Variants in TRAPPC9 observed in about 807,000 individuals in gnomAD.
TRAPPC9 encodes IKK2 binding protein.
In TRAPPC9, 83 loss-of-function variants were observed where a neutral mutation model predicts 124.0. The ratio of observed to expected loss-of-function variants is 0.67; its 90% confidence interval spans 0.56 to 0.80. The LOEUF (loss-of-function observed/expected upper bound fraction) is 0.80, where lower values mean the gene tolerates loss of function less well. Ranked by LOEUF, TRAPPC9 falls within the 30% of genes least tolerant of loss-of-function variation. The probability of loss-of-function intolerance (pLI) is 0.00; values close to 1 mark genes in which losing one functional copy is unlikely to be tolerated. For synonymous variants in TRAPPC9, 638 were observed against 617.5 expected, an observed-to-expected ratio of 1.03 and a Z score of -0.49; for missense variants, 1,302 against 1,508.3, an observed-to-expected ratio of 0.86 and a Z score of 2.27.
At chr8:139,881,048 C>G (rs906146428) in intron 21 of TRAPPC9, 4 of 152,252 alleles carry the variant, frequency 2.6e-5, no homozygotes, top group Non-Finnish European at 2.9e-5. Flanking sequence ...GCCAACATGC[C>G]TCTGTGCCCA....
intron 9 of TRAPPC9, among the ~76,000 whole-genome samples, chr8:140,324,389 C>T (rs151108832): frequency 2.0e-3 from 299 of 152,262 alleles, no homozygotes; most frequent in African/African-American, 6.9e-3. Context: ...CAGAGCTTTA[C>T]AATACATGAA....
At chr8:139,873,326 T>C (rs1331932554) in intron 21 of TRAPPC9, among the ~76,000 whole-genome samples, 4 of 152,142 alleles carry the variant, frequency 2.6e-5, no homozygotes, top group African/African-American at 9.7e-5. Context: ...GTGATCATAT[T>C]ATTCATCATA....
chr8:139,913,247 C>A (rs1003217060), intron 19 of TRAPPC9, among the ~76,000 whole-genome samples: 2 of 152,212 alleles, frequency 1.3e-5, no homozygotes, highest in African/African-American at 4.8e-5. Context: ...GGGAAGAAAA[C>A]AAAATGTAAG....
At chr8:140,382,571 G>T (rs2068640114) in intron 7 of TRAPPC9, among the ~76,000 whole-genome samples, 1 of 152,228 alleles carries the variant, frequency 6.6e-6, no homozygotes, top group Non-Finnish European at 1.5e-5. Context: ...TGCTAGCACA[G>T]CAGTCTGAGA....
At chr8:140,191,570 G>A (rs1184085060) in intron 17 of TRAPPC9, among the ~76,000 whole-genome samples, 3 of 152,040 alleles carry the variant, frequency 2.0e-5, no homozygotes, top group East Asian at 1.9e-4. Context: ...GTGACACGTC[G>A]GCTCTGGCTT....
intron 4 of TRAPPC9, among the ~76,000 whole-genome samples, chr8:140,430,881 C>T (rs1035012772): frequency 2.0e-5 from 3 of 152,048 alleles, no homozygotes; most frequent in African/African-American, 7.2e-5. Flanking sequence ...CTCAAGCGAT[C>T]CATGCACTGT....
At chr8:139,974,216 G>A (rs1395897329) in intron 19 of TRAPPC9, among the ~76,000 whole-genome samples, 3 of 152,154 alleles carry the variant, frequency 2.0e-5, no homozygotes, top group East Asian at 1.9e-4. Context: ...CTCATGTATC[G>A]GTACGCAAGA....
intron 9 of TRAPPC9, among the ~76,000 whole-genome samples, chr8:140,313,754 G>A (rs2066371293): frequency 6.6e-6 from 1 of 152,114 alleles, no homozygotes; most frequent in South Asian, 2.1e-4. Flanking sequence ...CCAGCTGCAG[G>A]GGCAGAAGCG....
chr8:140,282,428 G>A (rs758623801), intron 14 of TRAPPC9, among the ~76,000 whole-genome samples: 9 of 151,756 alleles, frequency 5.9e-5, no homozygotes, highest in African/African-American at 1.5e-4. Flanking sequence ...GCTTGAACCC[G>A]GGAGGTGAAG....
chr8:139,868,598 C>T (rs1828697080), intron 21 of TRAPPC9, among the ~76,000 whole-genome samples: 1 of 152,200 alleles, frequency 6.6e-6, no homozygotes, highest in Non-Finnish European at 1.5e-5. Flanking sequence ...TTTGAAACCA[C>T]AGTAACTGTG....
At chr8:140,225,588 T>C (rs539468237) in intron 16 of TRAPPC9, among the ~76,000 whole-genome samples, 8 of 152,338 alleles carry the variant, frequency 5.3e-5, no homozygotes, top group Admixed American at 5.2e-4. Flanking sequence ...ACTAGTATTA[T>C]GAACAGAGCC....
chr8:140,171,422 C>T (rs2061961553), intron 17 of TRAPPC9, among the ~76,000 whole-genome samples: 1 of 152,184 alleles, frequency 6.6e-6, no homozygotes, highest in African/African-American at 2.4e-5. Context: ...TAAAATGGAA[C>T]ATCATCTAGG....
chr8:140,129,097 C>G (rs1278142630), intron 17 of TRAPPC9, among the ~76,000 whole-genome samples: 2 of 151,752 alleles, frequency 1.3e-5, no homozygotes, highest in Non-Finnish European at 2.9e-5. Flanking sequence ...GAAGCAAAGT[C>G]CTTCTTTCTA....
At chr8:140,085,355 G>T (rs1844119381) in intron 17 of TRAPPC9, among the ~76,000 whole-genome samples, 1 of 137,886 alleles carries the variant, frequency 7.3e-6, no homozygotes, top group South Asian at 2.4e-4. Context: ...AAAAAAAAAG[G>T]CTTGGAAACC....
At chr8:140,249,835 C>T (rs1162954034) in intron 16 of TRAPPC9, among the ~76,000 whole-genome samples, 2 of 152,192 alleles carry the variant, frequency 1.3e-5, no homozygotes, top group African/African-American at 4.8e-5. Context: ...GTCTCAATCT[C>T]CTGACCTCGT....
intron 15 of TRAPPC9, among the ~76,000 whole-genome samples, chr8:140,253,398 A>G (rs7821968): frequency 0.22 from 33,758 of 151,956 alleles, 4,103 homozygotes; most frequent in African/African-American, 0.31. Flanking sequence ...AAACCCAAGC[A>G]GGACGCTGTG....
At chr8:140,227,192 C>T (rs903410528) in intron 16 of TRAPPC9, among the ~76,000 whole-genome samples, 8 of 151,980 alleles carry the variant, frequency 5.3e-5, no homozygotes, top group African/African-American at 1.9e-4. Context: ...AATAAGATGT[C>T]GTGAGCAGGG....
intron 9 of TRAPPC9, among the ~76,000 whole-genome samples, chr8:140,349,371 G>A (rs1376893940): frequency 3.9e-5 from 4 of 102,916 alleles, no homozygotes; most frequent in African/African-American, 3.6e-5. Flanking sequence ...GGGCGCGCGA[G>A]GGAAGGGCAC....
intron 7 of TRAPPC9, among the ~76,000 whole-genome samples, chr8:140,375,220 G>A (rs1259503976): frequency 2.6e-5 from 4 of 152,142 alleles, no homozygotes; most frequent in Non-Finnish European, 5.9e-5. Context: ...CCAACCTGCT[G>A]CTCTTTTAGG....
Sources: allele counts gnomAD v4.1 joint callset (sites outside exome capture counted in the v4.1 genomes callset), GRCh38; gene constraint gnomAD v4.1.1; transcripts MANE v1.5; gene names NCBI Gene and HGNC (gene_info 2026-07-23, HGNC 2026-07-21).